Variants in ATP5F1A observed in about 807,000 individuals in gnomAD.
ATP5F1A encodes the protein ATP synthase F(1) complex subunit alpha, mitochondrial.
ATP5F1A carries 24 observed loss-of-function variants against 57.4 expected under a neutral mutation model. That is an observed-to-expected ratio of 0.42 (90% CI 0.30 to 0.59). ATP5F1A has a LOEUF of 0.59. ATP5F1A is among the 20% of genes least tolerant of loss of function. The pLI is 0.19. For missense variants in ATP5F1A, 494 were observed against 707.9 expected (o/e 0.70, Z 3.43); for synonymous variants, 251 against 255.5 (o/e 0.98, Z 0.17).
chr18:46,097,386 G>A (rs945538602), intron 1 of ATP5F1A, among the ~76,000 whole-genome samples: 8 of 152,200 alleles, frequency 5.3e-5, no homozygotes, highest in African/African-American at 1.7e-4. Context: ...ATAACGAAGG[G>A]TATTAATCCT....
At chr18:46,097,818 G>A (rs1911069759) in intron 1 of ATP5F1A, 1 of 1,089,732 alleles carries the variant, frequency 9.2e-7, no homozygotes, top group Non-Finnish European at 1.1e-6. Context: ...CCTAAGAATC[G>A]AAAGAGAGGA....
At chr18:46,101,222 A>G (rs547550197), upstream of ATP5F1A, among the ~76,000 whole-genome samples, 1 of 152,278 alleles carries the variant, frequency 6.6e-6, no homozygotes, top group African/African-American at 2.4e-5. Context: ...GGGGATGACA[A>G]GAATGACCCA....
At chr18:46,088,823 G>C (rs991145498) in intron 5 of ATP5F1A, 2 of 152,012 alleles carry the variant, frequency 1.3e-5, no homozygotes, top group African/African-American at 4.8e-5. Context: ...TTGTCCCGGG[G>C]AATGGAATGT....
Position 46,084,612 on chromosome 18 carries a change from C to A in ATP5F1A, c.1472G>T (p.Gly491Val), listed in dbSNP as rs757503918. ...IEEQVAVIYA[G>V]VRGYLDKLEP... ...CAGTTTATCAAGATATCCCCTTACA[C>A]CCGCATAGATAACAGCCACTTGTTC... The change falls in exon 11 of 12, where the codon GGT becomes GTT. Residue 491 changes from glycine to valine, a missense_variant. By Grantham distance (109) the Gly-to-Val change is moderately radical. Around this residue, in one of 6 missense-constraint regions of ATP5F1A, gnomAD observed 127 missense variants for 195.2 expected, o/e 0.65. Coordinates refer to ENST00000398752, the MANE Select transcript of ATP5F1A (RefSeq NM_004046.6). The A allele has an allele frequency of 2.5e-6, 4 of 1,604,450 alleles. No individual in the cohort carries two copies. The highest frequency in any genetic ancestry group is 2.2e-5 in the East Asian group (1 of 44,710).
upstream of ATP5F1A, among the ~76,000 whole-genome samples, chr18:46,099,573 CTGTGCCCCTG>C (rs562900685): frequency 1.4e-3 from 209 of 152,266 alleles, no homozygotes; most frequent in African/African-American, 4.8e-3. Flanking sequence ...TGACCTCAGC[CTGTGCCCCTG>C]TGGTCCCACC....
chr18:46,085,848 G>C (rs995854455), intron 10 of ATP5F1A: 1 of 392,054 alleles, frequency 2.6e-6, no homozygotes, highest in African/African-American at 2.1e-5. Flanking sequence ...CAGGAGAATC[G>C]CGTGAATCCA....
intron 10 of ATP5F1A, 74 bp from the exon 11 acceptor site, chr18:46,084,728 C>T: frequency 7.0e-7 from 1 of 1,418,700 alleles, no homozygotes; most frequent in Non-Finnish European, 9.3e-7. Flanking sequence ...GTCAGGAAAA[C>T]TTACTTTTTC....
intron 1 of ATP5F1A, among the ~76,000 whole-genome samples, chr18:46,095,894 T>G (rs558964490): frequency 6.6e-6 from 1 of 152,082 alleles, no homozygotes; most frequent in East Asian, 2.0e-4. Flanking sequence ...ACACACATTT[T>G]TTTTTTCCTT....
chr18:46,094,198 C>T lies in ATP5F1A; in HGVS notation c.139+855G>A, dbSNP rs538163789. ...ACACACACACACACATATACACACA[C>T]ACTCTCACACACATATATATTTAAC... On this transcript the variant is annotated intron_variant, in intron 2 of 11. Coordinates refer to ENST00000398752, the MANE Select transcript of ATP5F1A (RefSeq NM_004046.6). Among the ~76,000 whole-genome samples, 24 of 147,928 alleles carry T rather than the reference C, an allele frequency of 1.6e-4. No homozygotes were observed. In the East Asian group the frequency reaches 5.4e-3, roughly 33 times the overall value.
rs1299072355 is a variant in ATP5F1A, at chr18:46,088,138, G to C, written c.770C>G (p.Ala257Gly). The C allele has an allele frequency of 6.2e-7, 1 of 1,600,080 alleles. No homozygotes were observed. Among genetic ancestry groups the C allele is most frequent in the Non-Finnish European group, 8.5e-7 (1 of 1,177,356 alleles). Residue 257 changes from alanine (A) to glycine (G), a missense_variant, in exon 6 of 12, where the codon GCC (alanine) becomes GGC (glycine). Coordinates refer to ENST00000398752, the MANE Select transcript of ATP5F1A (RefSeq NM_004046.6). ...ATCTGTAAGTCTCTTCACCAACTGG[G>C]CAACAGTGGATCTCTTTTGACCAAT... ...VAIGQKRSTV[A>G]QLVKRLTDAD...
rs1909878071 is a variant in ATP5F1A, at chr18:46,083,528, C to T, written c.*754G>A. On this transcript the variant is annotated 3_prime_UTR_variant, in exon 12 of 12. Transcript: ENST00000398752. ...TTTGTTCCAGCAATTTTTTCATTTC[C>T]CTGAGAATTTTAACTGTCCTATTAT... 6.6e-6 allele frequency: 1 copy of T among 152,164 alleles called. No homozygotes were observed. Among genetic ancestry groups the T allele is most frequent in the Non-Finnish European group, 1.5e-5 (1 of 68,048 alleles). 9.4% of individuals were successfully genotyped at this position (152,164 alleles called of 1,614,324 possible).
chr18:46,088,476 T>TG (rs1284593953), intron 5 of ATP5F1A: 3 of 409,006 alleles, frequency 7.3e-6, no homozygotes, highest in African/African-American at 2.1e-5. Flanking sequence ...TGTGCTGTGT[T>TG]GACTTAAGGT....
upstream of ATP5F1A, among the ~76,000 whole-genome samples, chr18:46,103,247 C>T (rs972465805): frequency 3.0e-5 from 4 of 135,346 alleles, no homozygotes; most frequent in African/African-American, 1.2e-4. Context: ...GGTTGGAGGT[C>T]GCAGTGAGCC....
At chr18:46,090,092 G>GT in intron 3 of ATP5F1A, 96 bp from the exon 4 acceptor site, 1 of 512,008 alleles carries the variant, frequency 2.0e-6, no homozygotes, top group Non-Finnish European at 3.1e-6. Flanking sequence ...GGGTGGGGGG[G>GT]GAAGCAGTAT....
rs557907635 is a variant in ATP5F1A at position 46,098,078 on chromosome 18, C to T, written c.60+94G>A. 2.0e-6 allele frequency: 3 copies of T among 1,465,978 alleles called. No homozygotes were observed. The East Asian group carries it at 7.5e-5, about 36-fold the overall frequency. 90.8% of individuals were successfully genotyped at this position (1,465,978 alleles called of 1,614,324 possible). A position where few individuals can be genotyped will look rare whatever the true frequency, so the allele number is the denominator to read the frequency against. ...TGCAAGATGGCGGCATTCGCCACAG[C>T]CCCTCGCCCTCCTGCAGAGAGCGCC... On this transcript the variant is annotated intron_variant, in intron 1 of 11. Transcript: ENST00000398752.
At chr18:46,101,296 G>C (rs1911266989), upstream of ATP5F1A, among the ~76,000 whole-genome samples, 1 of 152,110 alleles carries the variant, frequency 6.6e-6, no homozygotes, top group South Asian at 2.1e-4. Context: ...CGGGCATGGT[G>C]GCTCACGCAT....
rs1568240735 is a variant in ATP5F1A at position 46,081,692 on chromosome 18, A to AAAAAAAAAAAAAC, written c.*2589_*2590insGTTTTTTTTTTTT. On this transcript the variant is annotated 3_prime_UTR_variant, in exon 12 of 12. Transcript: ENST00000398752. Reference sequence around the variant, plus strand: ...AAAAAACAAAAAAAAAAAAAAAAAAAAAAAACGAAATGTGCAGAACCTTCT... The same window carrying AAAAAAAAAAAAAC: ...AAAAAACAAAAAAAAAAAAAAAAAAAAAAAAAAAAAAACAAAAACGAAATGTGCAGAACCTTCT... The AAAAAAAAAAAAAC allele has an allele frequency of 9.7e-5, 14 of 144,552 alleles. No homozygotes were observed. Among genetic ancestry groups the AAAAAAAAAAAAAC allele is most frequent in the Non-Finnish European group, 1.8e-4 (12 of 65,350 alleles). The allele number at this position is 144,552 out of a possible 1,614,324, so 9.0% of individuals were successfully genotyped here. A position where few individuals can be genotyped will look rare whatever the true frequency, so the allele number is the denominator to read the frequency against.
intron 2 of ATP5F1A, 169 bp from the exon 3 acceptor site, chr18:46,092,020 A>C (rs1327128178): frequency 6.4e-6 from 3 of 465,952 alleles, no homozygotes; most frequent in Middle Eastern, 6.3e-4. Context: ...AAAAATACAA[A>C]ATTAGCTGGG....
chr18:46,083,366 G>C lies in ATP5F1A; in HGVS notation c.*916C>G, dbSNP rs1436966744. On this transcript the variant is annotated 3_prime_UTR_variant, in exon 12 of 12. Coordinates refer to ENST00000398752, the MANE Select transcript of ATP5F1A (RefSeq NM_004046.6). ...GAGGTGGAAGAATCAATTGAACCCAGGTGGCAGAAGCTGCAGTGAGCTGAG... is the reference window on the plus strand; with the variant it reads ...GAGGTGGAAGAATCAATTGAACCCACGTGGCAGAAGCTGCAGTGAGCTGAG... 1 of 152,282 alleles carries C rather than the reference G, an allele frequency of 6.6e-6. No individual in the cohort carries two copies. The allele number at this position is 152,282 out of a possible 1,614,324, so 9.4% of individuals were successfully genotyped here.
Sources: gnomAD v4.1 joint callset for allele counts (sites outside exome capture counted in the v4.1 genomes callset) on GRCh38, gnomAD v4.1.1 for gene constraint, gnomAD v4.1.1 regional missense constraint, MANE v1.5 for transcripts, NCBI Gene and HGNC (gene_info 2026-07-23, HGNC 2026-07-21) for gene names.